Variants in RARB observed in about 807,000 individuals in gnomAD.
RARB encodes the protein retinoic acid receptor beta.
RARB carries 17 observed loss-of-function variants against 51.9 expected under a neutral mutation model. That is an observed-to-expected ratio of 0.33 (90% CI 0.22 to 0.49). The LOEUF is 0.49. Ranked by LOEUF, RARB falls within the 20% of genes least tolerant of loss-of-function variation. The probability of loss-of-function intolerance (pLI) is 0.99; values close to 1 mark genes in which losing one functional copy is unlikely to be tolerated. For missense variants in RARB, 369 were observed against 550.8 expected (o/e 0.67, Z 3.30); for synonymous variants, 215 against 195.4 (o/e 1.10, Z -0.84).
At position 25,446,542 on chromosome 3, in the gene RARB, G is replaced by A. The variant is rs575632687; in HGVS notation, c.158-14651G>A. ...AAATGGGCCGGGCGCAGTGGCTCAC[G>A]CCTGTAATCCCAGCACTTTGGGAGG... On this transcript the variant is annotated intron_variant, in intron 1 of 7. Transcript: ENST00000330688. Among the ~76,000 whole-genome samples, 32 of 152,242 alleles carry A rather than the reference G, an allele frequency of 2.1e-4. No individual in the cohort carries two copies. In the South Asian group the frequency reaches 5.2e-3, roughly 25 times the overall value.
chr3:24,847,528 C>T (rs1702500085), intron 1 of RARB, among the ~76,000 whole-genome samples: 1 of 152,192 alleles, frequency 6.6e-6, no homozygotes, highest in South Asian at 2.1e-4. Flanking sequence ...TTTCAGGGCA[C>T]AATAATCCCT....
intron 5 of RARB, among the ~76,000 whole-genome samples, chr3:25,249,094 A>T (rs1702640559): frequency 1.3e-5 from 2 of 152,092 alleles, no homozygotes; most frequent in Non-Finnish European, 2.9e-5. Flanking sequence ...ACTTTATGGC[A>T]TCCTATACAT....
chr3:25,510,717 G>T (rs987324812), intron 3 of RARB, among the ~76,000 whole-genome samples: 1 of 152,184 alleles, frequency 6.6e-6, no homozygotes, highest in African/African-American at 2.4e-5. Context: ...ACTGTGATAT[G>T]AAATATAATT....
At chr3:25,182,210 T>C (rs866708476) in intron 5 of RARB, among the ~76,000 whole-genome samples, 2 of 152,150 alleles carry the variant, frequency 1.3e-5, no homozygotes, top group South Asian at 2.1e-4. Context: ...AATGAATACA[T>C]GAATGAATTA....
intron 2 of RARB, among the ~76,000 whole-genome samples, chr3:25,042,293 A>G (rs1198031443): frequency 6.6e-6 from 1 of 152,262 alleles, no homozygotes; most frequent in Non-Finnish European, 1.5e-5. Context: ...TTAAACAGAT[A>G]TGAAAGCACA....
rs147469059 is a variant in RARB, at chr3:25,453,728, C to T, written c.158-7465C>T. 2.6e-5 allele frequency among the ~76,000 whole-genome samples: 4 copies of T among 152,234 alleles called. No individual in the cohort carries two copies. The East Asian group carries it at 7.7e-4, about 29-fold the overall frequency. Reference sequence around the variant, plus strand: ...CAGAATAGCAGAGTTTCTCACAACCCAGCTCCAGCCCTCGGCCAGGATCCC... The same window carrying T: ...CAGAATAGCAGAGTTTCTCACAACCTAGCTCCAGCCCTCGGCCAGGATCCC... On this transcript the variant is annotated intron_variant, in intron 1 of 7. Transcript: ENST00000330688.
At chr3:24,893,343 A>G (rs1703422687) in intron 2 of RARB, among the ~76,000 whole-genome samples, 1 of 152,250 alleles carries the variant, frequency 6.6e-6, no homozygotes, top group South Asian at 2.1e-4. Context: ...GAATAAAATA[A>G]ACATTTAAAA....
chr3:25,039,072 T>G (rs1334910686), intron 2 of RARB, among the ~76,000 whole-genome samples: 2 of 152,212 alleles, frequency 1.3e-5, no homozygotes, highest in Non-Finnish European at 2.9e-5. Flanking sequence ...TCTGGCAGTA[T>G]TTTCCCAGCT....
Position 24,847,063 on chromosome 3 carries a change from G to C in RARB, c.-458-11611G>C, listed in dbSNP as rs114368136. 3.2e-3 allele frequency among the ~76,000 whole-genome samples: 490 copies of C among 152,260 alleles called. 2 individuals carry two copies. Among genetic ancestry groups the C allele is most frequent in the African/African-American group, 0.011 (473 of 41,560 alleles). On this transcript the variant is annotated intron_variant, in intron 1 of 11. Transcript: ENST00000383772. ...GTAAAATAGAGATCCTGACTCAACA[G>C]GTCTGGGATGGTGCCTGAGCTTCTG... is the stretch of plus-strand genomic sequence containing the variant.
At chr3:25,347,074 G>A (rs973583820) in intron 5 of RARB, among the ~76,000 whole-genome samples, 8 of 152,202 alleles carry the variant, frequency 5.3e-5, no homozygotes, top group South Asian at 2.1e-4. Context: ...GGAGTAGGTT[G>A]ACCGGGAAAA....
intron 5 of RARB, among the ~76,000 whole-genome samples, chr3:25,258,635 AG>A (rs1702925276): frequency 6.6e-6 from 1 of 152,102 alleles, no homozygotes; most frequent in African/African-American, 2.4e-5. Context: ...AAAATACTTA[AG>A]ACTGAATAAT....
chr3:24,853,519 C>G (rs896301450), intron 1 of RARB, among the ~76,000 whole-genome samples: 4 of 152,130 alleles, frequency 2.6e-5, no homozygotes, highest in Admixed American at 2.0e-4. Flanking sequence ...GAACAGCAAG[C>G]TTTACCCTGA....
At chr3:24,843,902 C>CACAT (rs2125331684) in intron 1 of RARB, among the ~76,000 whole-genome samples, 1 of 92,590 alleles carries the variant, frequency 1.1e-5, no homozygotes, top group South Asian at 2.9e-4. Flanking sequence ...TTTGAGGGTA[C>CACAT]ACACACACAC....
At chr3:25,349,516 C>T (rs895004967) in intron 5 of RARB, among the ~76,000 whole-genome samples, 3 of 152,136 alleles carry the variant, frequency 2.0e-5, no homozygotes, top group Non-Finnish European at 2.9e-5. Context: ...TCAGCAGAAA[C>T]ATATTGTCCT....
At chr3:25,549,433 G>A (rs535173645) in intron 3 of RARB, among the ~76,000 whole-genome samples, 23 of 152,124 alleles carry the variant, frequency 1.5e-4, no homozygotes, top group Middle Eastern at 3.4e-3. Context: ...ATTCAGACTC[G>A]GCCAAATTGG....
At chr3:24,857,613 T>C (rs1367432845) in intron 1 of RARB, among the ~76,000 whole-genome samples, 1 of 152,220 alleles carries the variant, frequency 6.6e-6, no homozygotes, top group Non-Finnish European at 1.5e-5. Flanking sequence ...TAGTTACTCC[T>C]CTTTAACTAA....
intron 5 of RARB, among the ~76,000 whole-genome samples, chr3:25,345,773 GTAAA>G (rs1705373621): frequency 1.3e-5 from 2 of 151,970 alleles, no homozygotes; most frequent in South Asian, 4.1e-4. Context: ...GAAGATTGAA[GTAAA>G]TAAGTTTCTC....
At position 25,186,566 on chromosome 3, in the gene RARB, G is replaced by A. The variant is rs561604465; in HGVS notation, c.178+11991G>A. Among the ~76,000 whole-genome samples the A allele has an allele frequency of 2.0e-5, 3 of 151,930 alleles. No homozygotes were observed. The South Asian group carries it at 6.2e-4, about 32-fold the overall frequency. On this transcript the variant is annotated intron_variant, in intron 5 of 11. Coordinates refer to the RARB transcript ENST00000383772. ...ATGAGCAGATGTAGGCAAAATAAGT[G>A]GTATATTCACTAAATTGAATATTAT...
intron 3 of RARB, among the ~76,000 whole-genome samples, chr3:25,094,675 C>T (rs1699260528): frequency 8.0e-6 from 1 of 124,538 alleles, no homozygotes; most frequent in Non-Finnish European, 1.6e-5. Context: ...CAAGATCATG[C>T]CATTGCACTC....
Sources: allele counts gnomAD v4.1 joint callset (sites outside exome capture counted in the v4.1 genomes callset), GRCh38; gene constraint gnomAD v4.1.1; transcripts MANE v1.5; gene names NCBI Gene and HGNC (gene_info 2026-07-23, HGNC 2026-07-21).